The following PTPRT variants were observed in gnomAD, a reference collection of about 807,000 sequenced individuals.
PTPRT encodes the protein protein tyrosine phosphatase receptor type T, also known as receptor-type tyrosine-protein phosphatase T.
In PTPRT, 56 loss-of-function variants were observed where a neutral mutation model predicts 176.8. The observed-to-expected ratio is 0.32, with a 90% CI of 0.26 to 0.40. The LOEUF is 0.40. PTPRT is among the 10% of genes least tolerant of loss of function. PTPRT has a pLI of 1.00. For missense variants in PTPRT, 1,540 were observed against 1,908.2 expected, an observed-to-expected ratio of 0.81 and a Z score of 3.60; for synonymous variants, 783 against 739.0, an observed-to-expected ratio of 1.06 and a Z score of -0.96.
chr20:42,143,988 C>T (rs1988750715), intron 17 of PTPRT, among the ~76,000 whole-genome samples: 1 of 152,192 alleles, frequency 6.6e-6, no homozygotes, highest in Non-Finnish European at 1.5e-5. Flanking sequence ...GCATTTCTTC[C>T]ATGCTCTGTG....
At chr20:42,784,248 A>G (rs924977976) in intron 3 of PTPRT, among the ~76,000 whole-genome samples, 5 of 152,198 alleles carry the variant, frequency 3.3e-5, no homozygotes, top group Non-Finnish European at 5.9e-5. Flanking sequence ...GAGGGTGTGG[A>G]TATGTCAGGC....
chr20:42,940,254 A>G (rs1980455056), intron 1 of PTPRT, among the ~76,000 whole-genome samples: 1 of 152,210 alleles, frequency 6.6e-6, no homozygotes. Context: ...CACACTTTGT[A>G]TGTTATACTT....
chr20:42,251,120 CA>C (rs2146925318), intron 13 of PTPRT, among the ~76,000 whole-genome samples: 1 of 152,280 alleles, frequency 6.6e-6, no homozygotes, highest in African/African-American at 2.4e-5. Flanking sequence ...ATCTCAGATC[CA>C]AATTTCCTCA....
intron 1 of PTPRT, among the ~76,000 whole-genome samples, chr20:43,184,867 CAATAGAT>C (rs2015352028): frequency 6.6e-6 from 1 of 152,082 alleles, no homozygotes; most frequent in Non-Finnish European, 1.5e-5. Context: ...CAACTCTTAC[CAATAGAT>C]AATAAATAAA....
At chr20:42,524,207 A>C (rs1334104694) in intron 7 of PTPRT, among the ~76,000 whole-genome samples, 5 of 152,158 alleles carry the variant, frequency 3.3e-5, no homozygotes, top group Admixed American at 2.6e-4. Context: ...GTGTTTATTT[A>C]GATTTCCCAT....
chr20:42,199,685 A>G (rs1172409463), intron 15 of PTPRT, among the ~76,000 whole-genome samples: 2 of 152,102 alleles, frequency 1.3e-5, no homozygotes, highest in African/African-American at 4.8e-5. Flanking sequence ...AATCAACAAG[A>G]TTTGTATTCC....
intron 9 of PTPRT, among the ~76,000 whole-genome samples, chr20:42,374,561 T>A (rs1244404675): frequency 2.0e-5 from 3 of 151,990 alleles, no homozygotes; most frequent in African/African-American, 7.3e-5. Flanking sequence ...TATTTTCAAA[T>A]ATGAAAAAGC....
intron 6 of PTPRT, among the ~76,000 whole-genome samples, chr20:42,702,054 T>G (rs1398028680): frequency 2.0e-5 from 3 of 152,150 alleles, no homozygotes. Context: ...CCTCTCTGTT[T>G]ACCCACTTCC....
intron 9 of PTPRT, among the ~76,000 whole-genome samples, chr20:42,392,628 T>C (rs2058810623): frequency 6.6e-6 from 1 of 152,220 alleles, no homozygotes; most frequent in Admixed American, 6.5e-5. Flanking sequence ...TGCTTAGTTC[T>C]ACCCCTATCT....
chr20:43,012,276 A>T (rs1005976142), intron 1 of PTPRT, among the ~76,000 whole-genome samples: 7 of 152,246 alleles, frequency 4.6e-5, no homozygotes, highest in African/African-American at 1.7e-4. Flanking sequence ...CACATGCTGT[A>T]ACATGAATGT....
chr20:42,636,132 C>A (rs2074593763), intron 7 of PTPRT, among the ~76,000 whole-genome samples: 1 of 152,042 alleles, frequency 6.6e-6, no homozygotes, highest in Non-Finnish European at 1.5e-5. Context: ...GTAAAACAAT[C>A]CAGAAATCCT....
At chr20:42,748,425 C>G (rs1388818397) in intron 6 of PTPRT, among the ~76,000 whole-genome samples, 1 of 152,118 alleles carries the variant, frequency 6.6e-6, no homozygotes, top group African/African-American at 2.4e-5. Flanking sequence ...CTGAGGCCAG[C>G]CTTTGCTTTG....
At chr20:42,270,424 C>T in intron 13 of PTPRT, 1 of 1,551,084 alleles carries the variant, frequency 6.4e-7, no homozygotes, top group Non-Finnish European at 8.7e-7. Flanking sequence ...AGTGGAGTCC[C>T]CGGGGTCACC....
At chr20:43,172,464 T>C (rs2015025316) in intron 1 of PTPRT, among the ~76,000 whole-genome samples, 1 of 152,218 alleles carries the variant, frequency 6.6e-6, no homozygotes, top group African/African-American at 2.4e-5. Context: ...TCCTGATTTG[T>C]CTCAAACATT....
chr20:43,156,154 C>T (rs1189696309), intron 1 of PTPRT, among the ~76,000 whole-genome samples: 2 of 152,184 alleles, frequency 1.3e-5, no homozygotes, highest in Non-Finnish European at 1.5e-5. Context: ...TCTCTCTTTG[C>T]TCCTGGTGTT....
At chr20:42,179,921 G>T (rs1414400677) in intron 16 of PTPRT, among the ~76,000 whole-genome samples, 2 of 152,218 alleles carry the variant, frequency 1.3e-5, no homozygotes, top group Non-Finnish European at 2.9e-5. Flanking sequence ...CAATGGGCAA[G>T]AAGATGCAGA....
At chr20:42,531,681 C>T (rs1391231291) in intron 7 of PTPRT, among the ~76,000 whole-genome samples, 2 of 152,166 alleles carry the variant, frequency 1.3e-5, no homozygotes, top group Non-Finnish European at 2.9e-5. Context: ...TGCAAGCAAC[C>T]AAGTACAGGA....
chr20:42,832,553 G>T (rs1453268238), intron 2 of PTPRT, among the ~76,000 whole-genome samples: 1 of 150,128 alleles, frequency 6.7e-6, no homozygotes, highest in Admixed American at 6.6e-5. Flanking sequence ...AGAGAGAAGA[G>T]ATTTTATCCA....
chr20:42,045,398 C>T, the PTPRT span, among the ~76,000 whole-genome samples: 5 of 151,606 alleles, frequency 3.3e-5, no homozygotes, highest in Admixed American at 6.6e-5. Context: ...GTGAGTTTTA[C>T]GTGCAGGCAA....
Sources: allele counts gnomAD v4.1 joint callset (sites outside exome capture counted in the v4.1 genomes callset), GRCh38; gene constraint gnomAD v4.1.1; transcripts MANE v1.5; gene names NCBI Gene and HGNC (gene_info 2026-07-23, HGNC 2026-07-21).